The following NXPE3 variants were observed in gnomAD, a reference collection of about 807,000 sequenced individuals.
NXPE3 encodes the protein neurexophilin and PC-esterase domain family member 3.
NXPE3 carries 26 observed loss-of-function variants against 46.1 expected under a neutral mutation model. The observed-to-expected ratio is 0.56, with a 90% CI of 0.41 to 0.78. The LOEUF is 0.78. Ranked by LOEUF, NXPE3 falls within the 30% of genes least tolerant of loss-of-function variation. The probability of loss-of-function intolerance (pLI) is 0.00; values close to 1 mark genes in which losing one functional copy is unlikely to be tolerated. For missense variants in NXPE3, 620 were observed against 686.0 expected (o/e 0.90, Z 1.07); for synonymous variants, 272 against 257.9 (o/e 1.05, Z -0.52).
intron 6 of NXPE3, among the ~76,000 whole-genome samples, chr3:101,816,283 T>A (rs115954593): frequency 0.042 from 6,261 of 150,032 alleles, 454 homozygotes; most frequent in African/African-American, 0.14. Flanking sequence ...TTTTTTTTTT[T>A]AATTTTACTT....
chr3:101,808,854 T>TATATATATACATATATATATATAC (rs770360739), intron 6 of NXPE3, among the ~76,000 whole-genome samples: 3 of 100,346 alleles, frequency 3.0e-5, no homozygotes, highest in Non-Finnish European at 6.2e-5. Flanking sequence ...TATATATATA[T>TATATATATACATATATATATATAC]ATGAGACATT....
chr3:101,792,797 G>T (rs1940593627), intron 4 of NXPE3, among the ~76,000 whole-genome samples: 1 of 152,130 alleles, frequency 6.6e-6, no homozygotes, highest in Non-Finnish European at 1.5e-5. Flanking sequence ...CTGGTTTTGT[G>T]AAGAATGTTG....
chr3:101,781,979 A>G (rs1576719226), intron 1 of NXPE3, 131 bp from the exon 2 acceptor site: 1 of 152,210 alleles, frequency 6.6e-6, no homozygotes, highest in South Asian at 2.1e-4. Flanking sequence ...AAACGTTCCT[A>G]TGCCCACTCC....
chr3:101,820,395 C>T (rs1394582151), intron 7 of NXPE3, among the ~76,000 whole-genome samples: 2 of 152,068 alleles, frequency 1.3e-5, no homozygotes, highest in East Asian at 3.9e-4. Flanking sequence ...GGCAAGGTTG[C>T]AGAGAAAAGG....
At chr3:101,805,969 T>C (rs558913907) in intron 5 of NXPE3, among the ~76,000 whole-genome samples, 58 of 152,240 alleles carry the variant, frequency 3.8e-4, no homozygotes, top group African/African-American at 1.4e-3. Context: ...TGAAAGTAGT[T>C]TATATGTGCT....
chr3:101,810,472 C>T (rs751074409), intron 6 of NXPE3, among the ~76,000 whole-genome samples: 104 of 152,064 alleles, frequency 6.8e-4, no homozygotes, highest in Admixed American at 3.3e-4. Context: ...GTTGTGGCAG[C>T]GACATGTAAA....
Position 101,801,462 on chromosome 3 carries a change from C to T in NXPE3, c.321C>T (p.Tyr107=). Residue 107 remains tyrosine (Y), a synonymous_variant, in exon 5 of 8, where the codon TAC becomes TAT. Coordinates refer to ENST00000273347, the MANE Select transcript of NXPE3 (RefSeq NM_145037.4). ...AGAGCACTGACCCTTCTTCCAGCTA[C>T]TTTGTCATCTTGAACTCTGCTGCCT... ...FVKSTDPSSS[Y]FVILNSAAFF... The T allele has an allele frequency of 6.2e-7, 1 of 1,614,190 alleles. No homozygotes were observed. Among genetic ancestry groups the T allele is most frequent in the Non-Finnish European group, 8.5e-7 (1 of 1,180,042 alleles).
chr3:101,807,190 G>A (rs184905176), intron 6 of NXPE3, 64 bp downstream of exon 6: 28 of 1,249,854 alleles, frequency 2.2e-5, no homozygotes, highest in Non-Finnish European at 2.7e-5. Flanking sequence ...AGGCTCTGTC[G>A]TTTCATTTAT....
At chr3:101,781,626 T>C (rs1939829256) in intron 1 of NXPE3, 1 of 152,218 alleles carries the variant, frequency 6.6e-6, no homozygotes, top group Admixed American at 6.5e-5. Context: ...TGCTTGTTCT[T>C]TGCACATATT....
At chr3:101,780,213 T>C (rs1939731638) in intron 1 of NXPE3, among the ~76,000 whole-genome samples, 1 of 152,238 alleles carries the variant, frequency 6.6e-6, no homozygotes, top group African/African-American at 2.4e-5. Flanking sequence ...CAGACCCTGA[T>C]AATTGTTTGG....
At chr3:101,788,358 T>A (rs1940311977) in intron 4 of NXPE3, among the ~76,000 whole-genome samples, 2 of 152,210 alleles carry the variant, frequency 1.3e-5, no homozygotes, top group African/African-American at 4.8e-5. Flanking sequence ...TGTCCTCTGA[T>A]ACATAAAAAT....
rs564747817 is a variant in NXPE3 at position 101,788,789 on chromosome 3, T to TA, written c.93+3101dup. ...TGCCACCATGCCCAGCTAATTTTTG[T>TA]ATTTTTAGTAGAGATGGGGTTTTGC... On this transcript the variant is annotated intron_variant, in intron 4 of 7. Transcript: ENST00000273347. 2.5e-3 allele frequency among the ~76,000 whole-genome samples: 388 copies of TA among 152,194 alleles called. 1 individual carries two copies. The highest frequency in any genetic ancestry group is 8.8e-3 in the African/African-American group (366 of 41,512).
At position 101,785,617 on chromosome 3, in the gene NXPE3, A is replaced by G. The variant is rs769705926; in HGVS notation, c.21A>G (p.Lys7=). 5.0e-6 allele frequency: 8 copies of G among 1,614,060 alleles called. No individual in the cohort carries two copies. Among genetic ancestry groups the G allele is most frequent in the Non-Finnish European group, 6.8e-6 (8 of 1,179,958 alleles). Residue 7 remains lysine, a synonymous_variant, in exon 4 of 8, where the codon AAA becomes AAG. Transcript: ENST00000273347. ...AGACAATGTGGACCAATTTCTTCAAACTACGGCTTTTCTGCTGTCTGCTTG... is the reference window on the plus strand; with the variant it reads ...AGACAATGTGGACCAATTTCTTCAAGCTACGGCTTTTCTGCTGTCTGCTTG... MWTNFF[K]LRLFCCLLAV... is the part of the protein sequence containing the mutation.
Position 101,785,548 on chromosome 3 carries a change from G to A in NXPE3, c.-49G>A. 6.6e-7 allele frequency: 1 copy of A among 1,504,066 alleles called. No individual in the cohort carries two copies. The highest frequency in any genetic ancestry group is 1.7e-5 in the Admixed American group (1 of 59,858). 93.2% of individuals were successfully genotyped at this position (1,504,066 alleles called of 1,614,324 possible). Reference sequence around the variant, plus strand: ...AAGCAAAGACATGGAATTTTAAAGAGTGAAGGTAGCATGGTGTCGGCCATG... The same window carrying A: ...AAGCAAAGACATGGAATTTTAAAGAATGAAGGTAGCATGGTGTCGGCCATG... On this transcript the variant is annotated 5_prime_UTR_variant, in exon 4 of 8. In the 5' UTR this introduces an upstream ATG that the reference lacks. Coordinates refer to ENST00000273347, the MANE Select transcript of NXPE3 (RefSeq NM_145037.4).
At chr3:101,808,110 A>G (rs909115351) in intron 6 of NXPE3, among the ~76,000 whole-genome samples, 2 of 152,222 alleles carry the variant, frequency 1.3e-5, no homozygotes, top group African/African-American at 4.8e-5. Flanking sequence ...ACTGAAACAG[A>G]AACCCTGGCT....
intron 4 of NXPE3, among the ~76,000 whole-genome samples, chr3:101,798,604 T>G (rs35687448): frequency 8.2e-6 from 1 of 121,444 alleles, no homozygotes; most frequent in Non-Finnish European, 1.7e-5. Context: ...ATATATATAT[T>G]TTTTTTTTTT....
At chr3:101,818,715 T>TTATATATATA (rs61602305) in intron 7 of NXPE3, among the ~76,000 whole-genome samples, 29 of 38,040 alleles carry the variant, frequency 7.6e-4, no homozygotes, top group African/African-American at 1.1e-3. Context: ...ATATGACAAT[T>TTATATATATA]TATATATATA....
At chr3:101,780,428 A>T (rs565784694) in intron 1 of NXPE3, among the ~76,000 whole-genome samples, 1 of 152,160 alleles carries the variant, frequency 6.6e-6, no homozygotes, top group African/African-American at 2.4e-5. Flanking sequence ...GGTTGTCCTG[A>T]CCTGACAATT....
At chr3:101,813,391 C>T (rs34947019) in intron 6 of NXPE3, among the ~76,000 whole-genome samples, 47,022 of 151,540 alleles carry the variant, frequency 0.31, 7,477 homozygotes, top group Non-Finnish European at 0.34. Context: ...GTGTCCTTTT[C>T]GTCCAACTCT....
Sources: allele counts gnomAD v4.1 joint callset (sites outside exome capture counted in the v4.1 genomes callset), GRCh38; gene constraint gnomAD v4.1.1; transcripts MANE v1.5; gene names NCBI Gene and HGNC (gene_info 2026-07-23, HGNC 2026-07-21).